SH3PXD2A: variants seen among roughly 807,000 people sequenced by gnomAD.
The protein encoded by SH3PXD2A is SH3 and PX domain-containing protein 2A.
In SH3PXD2A, 32 loss-of-function variants were observed where a neutral mutation model predicts 115.2. That is an observed-to-expected ratio of 0.28 (90% CI 0.21 to 0.37). The LOEUF (loss-of-function observed/expected upper bound fraction) is 0.37, where lower values mean the gene tolerates loss of function less well. Ranked by LOEUF, SH3PXD2A falls within the 10% of genes least tolerant of loss-of-function variation. SH3PXD2A has a pLI of 1.00. For missense variants in SH3PXD2A, 1,328 were observed against 1,498.7 expected (o/e 0.89, Z 1.88); for synonymous variants, 610 against 629.1 (o/e 0.97, Z 0.45).
At chr10:103,770,996 G>T (rs1040321616) in intron 2 of SH3PXD2A, among the ~76,000 whole-genome samples, 2 of 152,172 alleles carry the variant, frequency 1.3e-5, no homozygotes, top group East Asian at 3.8e-4. Context: ...ATTCATAAAT[G>T]GATAACTAAC....
intron 5 of SH3PXD2A, among the ~76,000 whole-genome samples, chr10:103,701,291 T>A (rs547907538): frequency 9.6e-5 from 14 of 146,086 alleles, no homozygotes; most frequent in African/African-American, 3.6e-4. Flanking sequence ...CATTCATCCA[T>A]CCATCATCCA....
At chr10:103,811,606 T>G (rs1467686517) in intron 1 of SH3PXD2A, among the ~76,000 whole-genome samples, 1 of 152,150 alleles carries the variant, frequency 6.6e-6, no homozygotes, top group African/African-American at 2.4e-5. Context: ...TTTGTCTTCT[T>G]TAATAACGAC....
intron 8 of SH3PXD2A, among the ~76,000 whole-genome samples, chr10:103,650,915 T>C (rs907779470): frequency 5.9e-5 from 9 of 152,226 alleles, no homozygotes; most frequent in African/African-American, 2.2e-4. Flanking sequence ...CTGCCTCTTG[T>C]CCACGTGCAC....
In SH3PXD2A at chr10:103,628,222, C is replaced by T. The variant is rs182807476; in HGVS notation, c.605-1020G>A. 2.0e-3 allele frequency among the ~76,000 whole-genome samples: 298 copies of T among 152,298 alleles called. 1 individual carries two copies. The highest frequency in any genetic ancestry group is 6.6e-3 in the African/African-American group (275 of 41,560). The stretch of plus-strand genomic sequence containing the variant: ...ACCGCCAGGTACCACTGCACAGTCG[C>T]GGGAAGACCTCAAGGACTTAGAACC... On this transcript the variant is annotated intron_variant, in intron 8 of 14. Transcript: ENST00000369774.
Position 103,756,048 on chromosome 10 carries a change from C to T in SH3PXD2A, c.229+11046G>A, listed in dbSNP as rs1312861212. ...AGATGAACGGGCTCCATCTTCAGGC[C>T]ATGCCAGTCCCCTGGGGCCAACTGT... is the stretch of plus-strand genomic sequence containing the variant. On this transcript the variant is annotated intron_variant, in intron 3 of 14. Coordinates refer to ENST00000369774, the MANE Select transcript of SH3PXD2A (RefSeq NM_001394015.1). The surrounding 1 kb of genome is among the most constrained non-coding windows in gnomAD (Gnocchi z 4.4). 6.6e-6 allele frequency among the ~76,000 whole-genome samples: 1 copy of T among 152,190 alleles called. No individual in the cohort carries two copies. The highest frequency in any genetic ancestry group is 1.9e-4 in the East Asian group (1 of 5,190).
chr10:103,731,457 G>A (rs1012808119), intron 4 of SH3PXD2A, among the ~76,000 whole-genome samples: 2 of 152,116 alleles, frequency 1.3e-5, no homozygotes, highest in Admixed American at 6.6e-5. Context: ...CACTGTGCCC[G>A]GGCCTCTGAA....
intron 6 of SH3PXD2A, 124 bp downstream of exon 6, chr10:103,692,904 G>T (rs1486357621): frequency 2.5e-6 from 2 of 790,154 alleles, no homozygotes; most frequent in East Asian, 5.6e-5. Context: ...GGCAGGACCC[G>T]TAGGCTGGCG....
chr10:103,760,666 C>T (rs56275413), intron 3 of SH3PXD2A, among the ~76,000 whole-genome samples: 16,028 of 150,404 alleles, frequency 0.11, 915 homozygotes, highest in South Asian at 0.15. Flanking sequence ...GTATATGTAA[C>T]GAGGGAAAGA....
chr10:103,687,574 G>A (rs1444921929), intron 6 of SH3PXD2A, among the ~76,000 whole-genome samples: 1 of 152,060 alleles, frequency 6.6e-6, no homozygotes, highest in African/African-American at 2.4e-5. Context: ...ACTGCTGCCA[G>A]AGCCCACATC....
At chr10:103,829,307 G>C (rs1185660607) in intron 1 of SH3PXD2A, among the ~76,000 whole-genome samples, 3 of 152,132 alleles carry the variant, frequency 2.0e-5, no homozygotes, top group Admixed American at 2.0e-4. Flanking sequence ...GCAGGCATCC[G>C]ATCTTCTCTT....
intron 6 of SH3PXD2A, among the ~76,000 whole-genome samples, chr10:103,684,562 G>A (rs2037651762): frequency 6.6e-6 from 1 of 151,908 alleles, no homozygotes; most frequent in Non-Finnish European, 1.5e-5. Context: ...GTTTCATCAT[G>A]TCGGTCTTGA....
intron 8 of SH3PXD2A, among the ~76,000 whole-genome samples, chr10:103,658,434 C>G (rs2037242661): frequency 6.6e-6 from 1 of 152,218 alleles, no homozygotes; most frequent in Non-Finnish European, 1.5e-5. Context: ...GTTCAAAAGC[C>G]TCACTCACCA....
intron 4 of SH3PXD2A, 51 bp from the exon 5 acceptor site, chr10:103,724,412 G>T: frequency 9.1e-7 from 1 of 1,099,580 alleles, no homozygotes; most frequent in Non-Finnish European, 1.3e-6. Context: ...CTTGGGAACA[G>T]GAAAACCAAG....
chr10:103,702,817 T>G (rs879927771), intron 5 of SH3PXD2A, among the ~76,000 whole-genome samples: 1 of 152,140 alleles, frequency 6.6e-6, no homozygotes, highest in Non-Finnish European at 1.5e-5. Flanking sequence ...TCTAGCTCCT[T>G]CTGGTTTCCC....
At chr10:103,809,785 A>T (rs2134275471) in intron 1 of SH3PXD2A, among the ~76,000 whole-genome samples, 1 of 151,192 alleles carries the variant, frequency 6.6e-6, no homozygotes, top group African/African-American at 2.4e-5. Context: ...CCCAGGTTCA[A>T]GTGATTCTCC....
At chr10:103,717,409 G>A (rs907815601) in intron 5 of SH3PXD2A, among the ~76,000 whole-genome samples, 2 of 152,200 alleles carry the variant, frequency 1.3e-5, no homozygotes, top group Non-Finnish European at 1.5e-5. Flanking sequence ...AGGGGCCCAA[G>A]CTGAGTCTGG....
intron 3 of SH3PXD2A, chr10:103,755,520 C>T (rs2038630417): frequency 6.6e-6 from 1 of 152,254 alleles, no homozygotes; most frequent in East Asian, 1.9e-4. Flanking sequence ...CTGCCTCTGC[C>T]CCCTGAGTAG....
At position 103,783,516 on chromosome 10, in the gene SH3PXD2A, T is replaced by C. The variant is rs990776184; in HGVS notation, c.154-16347A>G. 2.0e-5 allele frequency among the ~76,000 whole-genome samples: 3 copies of C among 152,124 alleles called. No homozygotes were observed. The East Asian group carries it at 5.8e-4, about 29-fold the overall frequency. On this transcript the variant is annotated intron_variant, in intron 2 of 14. Coordinates refer to ENST00000369774, the MANE Select transcript of SH3PXD2A (RefSeq NM_001394015.1). ...TTGCTATTGGGCTGGATATGGGACA[T>C]GACTGGCCAGGTGTGGGGTGGTCCC...
intron 14 of SH3PXD2A, among the ~76,000 whole-genome samples, chr10:103,604,455 C>A (rs991648931): frequency 6.6e-6 from 1 of 152,226 alleles, no homozygotes; most frequent in Admixed American, 6.5e-5. Flanking sequence ...GTTTAAGGAG[C>A]TTCTTCCTTA....
Sources: gnomAD v4.1 joint callset for allele counts (sites outside exome capture counted in the v4.1 genomes callset) on GRCh38, gnomAD v4.1.1 for gene constraint, Gnocchi (gnomAD v3.1) non-coding constraint, MANE v1.5 for transcripts, NCBI Gene and HGNC (gene_info 2026-07-23, HGNC 2026-07-21) for gene names.